Variants in FSTL5 observed in about 807,000 individuals in gnomAD.
FSTL5 encodes follistatin-related protein 5.
In FSTL5, 62 loss-of-function variants were observed where a neutral mutation model predicts 89.1. That is an observed-to-expected ratio of 0.70 (90% CI 0.57 to 0.86). FSTL5 has a LOEUF of 0.86. Ranked by LOEUF, FSTL5 falls within the 40% of genes least tolerant of loss-of-function variation. The pLI is 0.00. For synonymous variants in FSTL5, 383 were observed against 346.2 expected (o/e 1.11, Z -1.18); for missense variants, 1,057 against 1,001.6 (o/e 1.06, Z -0.75).
At chr4:162,056,021 CAA>C (rs577812667) in intron 2 of FSTL5, among the ~76,000 whole-genome samples, 7 of 151,334 alleles carry the variant, frequency 4.6e-5, no homozygotes, top group Non-Finnish European at 1.0e-4. Flanking sequence ...TCTATATAAC[CAA>C]AGAGTAAGAA....
chr4:161,855,307 C>T (rs1298298236), intron 4 of FSTL5, among the ~76,000 whole-genome samples: 1 of 151,910 alleles, frequency 6.6e-6, no homozygotes, highest in African/African-American at 2.4e-5. Flanking sequence ...CTCTGTATTC[C>T]CTTGAAATTT....
At chr4:161,879,041 T>C (rs1313728975) in intron 4 of FSTL5, among the ~76,000 whole-genome samples, 3 of 152,188 alleles carry the variant, frequency 2.0e-5, no homozygotes, top group Non-Finnish European at 4.4e-5. Flanking sequence ...TATTTAATAC[T>C]CACTCCCAAA....
At chr4:161,838,526 C>T (rs969532390) in intron 4 of FSTL5, among the ~76,000 whole-genome samples, 3 of 152,022 alleles carry the variant, frequency 2.0e-5, no homozygotes, top group Non-Finnish European at 2.9e-5. Flanking sequence ...CCTCGTGATC[C>T]GCCTACCTCA....
Position 161,763,853 on chromosome 4 carries a change from G to A in FSTL5, c.607-4322C>T, listed in dbSNP as rs75786463. Among the ~76,000 whole-genome samples, 118 of 152,224 alleles carry A rather than the reference G, an allele frequency of 7.8e-4. 2 individuals carry two copies. The East Asian group carries it at 0.019, about 25-fold the overall frequency. On this transcript the variant is annotated intron_variant, in intron 5 of 15. Transcript: ENST00000306100. ...AGTATACCCCTTCGGTGAGAAGAATGTACATTTCCGGGTATTAGATGTATG... is the reference window on the plus strand; with the variant it reads ...AGTATACCCCTTCGGTGAGAAGAATATACATTTCCGGGTATTAGATGTATG...
intron 11 of FSTL5, among the ~76,000 whole-genome samples, chr4:161,505,684 C>T (rs1449006032): frequency 6.6e-6 from 1 of 151,822 alleles, no homozygotes; most frequent in Non-Finnish European, 1.5e-5. Flanking sequence ...TATATCTATG[C>T]ACACACATAT....
intron 4 of FSTL5, among the ~76,000 whole-genome samples, chr4:161,854,586 A>G (rs112123347): frequency 1.3e-5 from 2 of 152,212 alleles, no homozygotes; most frequent in African/African-American, 4.8e-5. Flanking sequence ...CAACAACAAC[A>G]ACAAAATAAT....
chr4:162,151,039 A>T (rs1221397238), intron 1 of FSTL5, among the ~76,000 whole-genome samples: 1 of 152,202 alleles, frequency 6.6e-6, no homozygotes, highest in Non-Finnish European at 1.5e-5. Flanking sequence ...TTACTTTAGT[A>T]TGAAATCAGG....
At chr4:161,510,524 G>T in intron 10 of FSTL5, 100 bp from the exon 11 acceptor site, 1 of 664,520 alleles carries the variant, frequency 1.5e-6, no homozygotes, top group Non-Finnish European at 2.5e-6. Context: ...AAATATCTAT[G>T]ATAGAATGTG....
intron 7 of FSTL5, among the ~76,000 whole-genome samples, chr4:161,646,035 C>T (rs1442191932): frequency 6.6e-6 from 1 of 151,200 alleles, no homozygotes; most frequent in Non-Finnish European, 1.5e-5. Context: ...AAAAATAACA[C>T]TCTAGCTTTC....
intron 7 of FSTL5, among the ~76,000 whole-genome samples, chr4:161,635,997 T>G (rs982368710): frequency 1.3e-5 from 2 of 152,170 alleles, no homozygotes; most frequent in Non-Finnish European, 2.9e-5. Context: ...TTAATTGTGT[T>G]TTTGTTCCCT....
At chr4:162,144,426 T>A (rs1732890344) in intron 1 of FSTL5, among the ~76,000 whole-genome samples, 1 of 152,198 alleles carries the variant, frequency 6.6e-6, no homozygotes, top group African/African-American at 2.4e-5. Flanking sequence ...GAAATTTATT[T>A]CCAAGTTACT....
At chr4:161,763,455 G>C (rs1177183277) in intron 5 of FSTL5, among the ~76,000 whole-genome samples, 1 of 152,080 alleles carries the variant, frequency 6.6e-6, no homozygotes. Context: ...AGATTTTTAT[G>C]CTGACTTTCA....
At chr4:161,775,812 A>G in intron 5 of FSTL5, 66 bp downstream of exon 5, 1 of 826,272 alleles carries the variant, frequency 1.2e-6, no homozygotes, top group Non-Finnish European at 1.8e-6. Context: ...GAGTAAATTT[A>G]GAAAAAGTAA....
chr4:161,841,876 A>C (rs1731222583), intron 4 of FSTL5, among the ~76,000 whole-genome samples: 1 of 152,076 alleles, frequency 6.6e-6, no homozygotes, highest in Non-Finnish European at 1.5e-5. Context: ...TATGGGCCTT[A>C]AGATCGGCTC....
chr4:161,759,275 T>G (rs554786155), intron 6 of FSTL5, 136 bp downstream of exon 6: 1 of 764,064 alleles, frequency 1.3e-6, no homozygotes, highest in Admixed American at 3.3e-5. Flanking sequence ...CAATACAACT[T>G]GAAACTTAAA....
intron 3 of FSTL5, among the ~76,000 whole-genome samples, chr4:161,952,583 T>C (rs1456323861): frequency 1.3e-5 from 2 of 152,084 alleles, no homozygotes; most frequent in East Asian, 3.9e-4. Context: ...ATTCATAAAA[T>C]TGTTATGTAG....
At chr4:161,543,035 T>A (rs1339505431) in intron 8 of FSTL5, among the ~76,000 whole-genome samples, 1 of 151,852 alleles carries the variant, frequency 6.6e-6, no homozygotes, top group Non-Finnish European at 1.5e-5. Context: ...ATTTGAGCAC[T>A]GAAATAATTA....
intron 10 of FSTL5, among the ~76,000 whole-genome samples, chr4:161,537,368 C>G (rs1468275869): frequency 2.6e-5 from 4 of 152,128 alleles, no homozygotes; most frequent in African/African-American, 9.7e-5. Flanking sequence ...CATCCAGGCC[C>G]TATCCCAAAA....
chr4:161,983,549 T>C (rs1735883609), intron 3 of FSTL5, among the ~76,000 whole-genome samples: 3 of 152,194 alleles, frequency 2.0e-5, no homozygotes, highest in African/African-American at 2.4e-5. Flanking sequence ...AAAGCTTATG[T>C]CTGTGGTTTG....
Sources: allele counts gnomAD v4.1 joint callset (sites outside exome capture counted in the v4.1 genomes callset), GRCh38; gene constraint gnomAD v4.1.1; transcripts MANE v1.5; gene names NCBI Gene and HGNC (gene_info 2026-07-23, HGNC 2026-07-21).